Variants in CPED1 observed in about 807,000 individuals in gnomAD.
CPED1 encodes cadherin-like and PC-esterase domain-containing protein 1.
In CPED1, 114 loss-of-function variants were observed where a neutral mutation model predicts 128.2. That is an observed-to-expected ratio of 0.89 (90% confidence interval 0.76 to 1.04). The LOEUF (loss-of-function observed/expected upper bound fraction) is 1.04. Among genes scored for constraint, CPED1 ranks in the 50% least tolerant of loss-of-function variants. The pLI is 0.00. For synonymous variants in CPED1, 462 were observed against 426.7 expected (o/e 1.08, Z -1.02); for missense variants, 1,211 against 1,207.1 (o/e 1.00, Z -0.05).
At position 121,132,134 on chromosome 7, in the gene CPED1, G is replaced by A. The variant is rs1167433990; in HGVS notation, c.1578-1689G>A. Among the ~76,000 whole-genome samples, 4 of 152,104 alleles carry A rather than the reference G, an allele frequency of 2.6e-5. 1 individual carries two copies. The stretch of plus-strand genomic sequence containing the variant: ...TATCTTCAAGGTTACCAGTGAATGT[G>A]TATATATTTAATTATCATTCATGCC... On this transcript the variant is annotated intron_variant, in intron 12 of 22. Coordinates refer to ENST00000310396, the MANE Select transcript of CPED1 (RefSeq NM_024913.5).
intron 16 of CPED1, among the ~76,000 whole-genome samples, chr7:121,205,554 C>T (rs1301487437): frequency 6.6e-6 from 1 of 151,800 alleles, no homozygotes; most frequent in Non-Finnish European, 1.5e-5. Flanking sequence ...GAAAACTGAG[C>T]TTCAATTAAG....
chr7:121,267,480 A>G (rs1792150970), intron 21 of CPED1, among the ~76,000 whole-genome samples, 178 bp downstream of exon 21: 1 of 152,066 alleles, frequency 6.6e-6, no homozygotes, highest in Admixed American at 6.6e-5. Flanking sequence ...AGGCTATATT[A>G]AAAGGATTTC....
intron 2 of CPED1, among the ~76,000 whole-genome samples, chr7:121,008,462 G>GA (rs1161725513): frequency 6.6e-6 from 1 of 152,004 alleles, no homozygotes; most frequent in Non-Finnish European, 1.5e-5. Context: ...ACCTTCAAGA[G>GA]AAAAAAGACA....
intron 21 of CPED1, among the ~76,000 whole-genome samples, chr7:121,271,062 G>T (rs946934223): frequency 2.0e-5 from 3 of 151,998 alleles, no homozygotes; most frequent in African/African-American, 7.2e-5. Context: ...AAAACTGTGT[G>T]TCACTGTAGA....
intron 16 of CPED1, among the ~76,000 whole-genome samples, chr7:121,201,973 G>A (rs578204914): frequency 6.6e-6 from 1 of 152,230 alleles, no homozygotes; most frequent in South Asian, 2.1e-4. Flanking sequence ...GTTGGGTATA[G>A]CATAGCAAAA....
chr7:121,243,448 A>G (rs1469358663), intron 17 of CPED1, among the ~76,000 whole-genome samples: 1 of 152,230 alleles, frequency 6.6e-6, no homozygotes, highest in South Asian at 2.1e-4. Context: ...TCTTAAATGC[A>G]TAGAGAATAT....
intron 17 of CPED1, among the ~76,000 whole-genome samples, chr7:121,240,057 A>T (rs1200239641): frequency 1.3e-5 from 2 of 152,210 alleles, no homozygotes; most frequent in African/African-American, 4.8e-5. Context: ...ACTCACAATA[A>T]ATAAAAGGAA....
chr7:121,076,218 T>C (rs906730340), intron 5 of CPED1, among the ~76,000 whole-genome samples: 1 of 152,206 alleles, frequency 6.6e-6, no homozygotes, highest in African/African-American at 2.4e-5. Context: ...ATGAGCTCGA[T>C]ATTGAGCTGA....
rs1252562470 is a variant in CPED1, at chr7:120,988,776, T to A, written c.-368T>A. ...GTTTATGTGTCTGTGTGCGTGTGTG[T>A]GTGTGTCTCTCTCTGTGTGTGTGTG... On this transcript the variant is annotated 5_prime_UTR_variant, in exon 1 of 23. Coordinates refer to ENST00000310396, the MANE Select transcript of CPED1 (RefSeq NM_024913.5). 2 of 152,278 alleles carry A rather than the reference T, an allele frequency of 1.3e-5. No homozygotes were observed. The allele number at this position is 152,278 out of a possible 1,614,324, so 9.4% of individuals were successfully genotyped here.
At chr7:121,179,771 A>T (rs1304115226) in intron 16 of CPED1, among the ~76,000 whole-genome samples, 1 of 152,100 alleles carries the variant, frequency 6.6e-6, no homozygotes, top group African/African-American at 2.4e-5. Flanking sequence ...GCCTTGCCCC[A>T]AAGTAGTAAG....
At chr7:121,042,174 A>T (rs1793076420) in intron 3 of CPED1, among the ~76,000 whole-genome samples, 1 of 152,144 alleles carries the variant, frequency 6.6e-6, no homozygotes, top group South Asian at 2.1e-4. Flanking sequence ...TATTTTCAAA[A>T]ATAGGTAGAG....
chr7:121,209,486 T>A (rs1193652750), intron 16 of CPED1, among the ~76,000 whole-genome samples: 1 of 152,036 alleles, frequency 6.6e-6, no homozygotes, highest in Non-Finnish European at 1.5e-5. Flanking sequence ...ATCTTACTAT[T>A]GACAGTGAAA....
chr7:121,267,685 T>C (rs947394708), intron 21 of CPED1, among the ~76,000 whole-genome samples: 3 of 151,972 alleles, frequency 2.0e-5, no homozygotes, highest in African/African-American at 4.8e-5. Flanking sequence ...GGCCAGTTCT[T>C]ATAGAAGATA....
chr7:121,035,558 G>A (rs1448469752), intron 3 of CPED1, among the ~76,000 whole-genome samples: 5 of 152,106 alleles, frequency 3.3e-5, no homozygotes, highest in Non-Finnish European at 7.4e-5. Flanking sequence ...GTAGGACTGG[G>A]CACAGTGGCT....
chr7:121,088,783 A>AAAAAAAAAAAAAAAAAAAAAAAAT (rs1794507169), intron 5 of CPED1, among the ~76,000 whole-genome samples: 1 of 148,742 alleles, frequency 6.7e-6, no homozygotes, highest in Non-Finnish European at 1.5e-5. Flanking sequence ...AAAAAAAAAA[A>AAAAAAAAAAAAAAAAAAAAAAAAT]AAAAAAAAAT....
intron 16 of CPED1, among the ~76,000 whole-genome samples, chr7:121,144,127 C>A (rs981185275): frequency 6.6e-6 from 1 of 151,944 alleles, no homozygotes; most frequent in Non-Finnish European, 1.5e-5. Flanking sequence ...AGAACAGTAT[C>A]GAGGTTTCTC....
intron 2 of CPED1, among the ~76,000 whole-genome samples, chr7:121,010,705 T>C (rs1585016141): frequency 6.6e-6 from 1 of 152,174 alleles, no homozygotes; most frequent in East Asian, 1.9e-4. Flanking sequence ...CTCAGTGATC[T>C]GGAGTAGTTC....
rs368701131 is a variant in CPED1 at position 121,124,468 on chromosome 7, C to A, written c.1056C>A (p.Phe352Leu). 14 of 1,467,542 alleles carry A rather than the reference C, an allele frequency of 9.5e-6. No homozygotes were observed. The highest frequency in any genetic ancestry group is 1.8e-4 in the Middle Eastern group (1 of 5,438). The allele number at this position is 1,467,542 out of a possible 1,614,324, so 90.9% of individuals were successfully genotyped here. A position where few individuals can be genotyped will look rare whatever the true frequency, so the allele number is the denominator to read the frequency against. The change falls in exon 8 of 23, where the codon TTC becomes TTA. Residue 352 changes from phenylalanine (F) to leucine (L), a missense_variant. Physicochemically the swap from Phe to Leu is conservative, Grantham distance 22. Transcript: ENST00000310396. Reference sequence around the variant, plus strand: ...CATCTACTCTGGGACCAAAGACCTTCCATAGGTAAAAAACAAATTTTAATT... The same window carrying A: ...CATCTACTCTGGGACCAAAGACCTTACATAGGTAAAAAACAAATTTTAATT... ...SETSTLGPKT[F>L]HRCRFCFQLL...
chr7:121,258,364 C>T (rs1791937639), intron 18 of CPED1, among the ~76,000 whole-genome samples: 1 of 152,138 alleles, frequency 6.6e-6, no homozygotes, highest in South Asian at 2.1e-4. Context: ...TGCAATATAG[C>T]ACAATAATTG....
Sources: allele counts gnomAD v4.1 joint callset (sites outside exome capture counted in the v4.1 genomes callset), GRCh38; gene constraint gnomAD v4.1.1; transcripts MANE v1.5; gene names NCBI Gene and HGNC (gene_info 2026-07-23, HGNC 2026-07-21).